The following CFAP299 variants were observed in gnomAD, a reference collection of about 807,000 sequenced individuals.
CFAP299 encodes cilia- and flagella-associated protein 299.
Under a neutral mutation model 27.0 loss-of-function variants are expected in CFAP299, and 21 were observed. That is an observed-to-expected ratio of 0.78 (90% CI 0.55 to 1.12). The LOEUF is 1.12. Ranked by LOEUF, CFAP299 falls within the 50% of genes most tolerant of loss-of-function variation. CFAP299 has a pLI of 0.00. For missense variants in CFAP299, 310 were observed against 276.6 expected, an observed-to-expected ratio of 1.12 and a Z score of -0.86; for synonymous variants, 104 against 98.1, an observed-to-expected ratio of 1.06 and a Z score of -0.36.
At chr4:80,377,925 CAAT>C (rs1367513459) in intron 2 of CFAP299, among the ~76,000 whole-genome samples, 3 of 152,058 alleles carry the variant, frequency 2.0e-5, no homozygotes, top group African/African-American at 7.2e-5. Context: ...AGTGGCAAGA[CAAT>C]AATGAGGAAG....
chr4:80,487,370 G>A (rs1730872326), intron 2 of CFAP299, among the ~76,000 whole-genome samples: 1 of 152,128 alleles, frequency 6.6e-6, no homozygotes, highest in Admixed American at 6.5e-5. Flanking sequence ...AATTTACAGA[G>A]GCTATCAGTT....
intron 3 of CFAP299, among the ~76,000 whole-genome samples, chr4:80,843,082 A>G (rs983078085): frequency 1.3e-5 from 2 of 151,018 alleles, no homozygotes; most frequent in Non-Finnish European, 3.0e-5. Context: ...ATATATATAA[A>G]TATATATTTT....
intron 4 of CFAP299, among the ~76,000 whole-genome samples, chr4:80,886,360 G>T (rs571852757): frequency 1.3e-5 from 2 of 152,250 alleles, no homozygotes; most frequent in African/African-American, 4.8e-5. Context: ...TTCCAATGAT[G>T]GTGGCCACAG....
upstream of CFAP299, among the ~76,000 whole-genome samples, chr4:80,331,962 G>T (rs1311452709): frequency 3.9e-5 from 6 of 152,126 alleles, no homozygotes; most frequent in East Asian, 1.2e-3. Context: ...AAAGGGGCTA[G>T]CAAAGAGAAC....
chr4:80,625,861 A>G (rs1448265631), intron 3 of CFAP299, among the ~76,000 whole-genome samples: 2 of 152,044 alleles, frequency 1.3e-5, no homozygotes, highest in Non-Finnish European at 2.9e-5. Flanking sequence ...ATACGTACCC[A>G]ATATCCAAGC....
chr4:80,556,931 A>G lies in CFAP299; in HGVS notation c.243-26162A>G, dbSNP rs71596014. Among the ~76,000 whole-genome samples the G allele has an allele frequency of 2.8e-3, 433 of 152,174 alleles. 2 individuals carry two copies. The highest frequency in any genetic ancestry group is 4.8e-3 in the Non-Finnish European group (324 of 67,944). ...TCTCTTATCTCTTAATATTACATAA[A>G]CATTTTGCTCAAAAGAGAAAACCAA... On this transcript the variant is annotated intron_variant, in intron 2 of 5. Coordinates refer to ENST00000358105, the MANE Select transcript of CFAP299 (RefSeq NM_152770.3).
At chr4:80,378,035 A>G (rs551645943) in intron 2 of CFAP299, among the ~76,000 whole-genome samples, 76 of 152,260 alleles carry the variant, frequency 5.0e-4, no homozygotes, top group Non-Finnish European at 8.8e-4. Context: ...CCATGATTCA[A>G]TTACGTCCCC....
chr4:80,568,083 A>G (rs1263417968), intron 2 of CFAP299, among the ~76,000 whole-genome samples: 6 of 151,856 alleles, frequency 4.0e-5, no homozygotes, highest in Non-Finnish European at 8.8e-5. Flanking sequence ...TTAAAAAACA[A>G]TAATAAAAGT....
intron 2 of CFAP299, among the ~76,000 whole-genome samples, chr4:80,383,174 C>T (rs896572494): frequency 2.0e-5 from 3 of 151,766 alleles, no homozygotes; most frequent in East Asian, 1.9e-4. Flanking sequence ...ACACTAGGGC[C>T]TACTTGAGGG....
At chr4:80,807,973 C>A (rs554951788) in intron 3 of CFAP299, among the ~76,000 whole-genome samples, 4 of 151,208 alleles carry the variant, frequency 2.6e-5, no homozygotes, top group African/African-American at 9.7e-5. Flanking sequence ...ACAGAGAAAA[C>A]CAAGAAAATA....
rs535931850 is a variant in CFAP299, at chr4:80,961,825, T to G, written c.607-1692T>G. On this transcript the variant is annotated intron_variant, in intron 5 of 5. Coordinates refer to ENST00000358105, the MANE Select transcript of CFAP299 (RefSeq NM_152770.3). ...ATAACAACCAATAAAAATAAAATAC[T>G]TTAAAAAAGATTATTGTCTGTCACA... is the stretch of plus-strand genomic sequence containing the variant. Among the ~76,000 whole-genome samples, 5 of 152,036 alleles carry G rather than the reference T, an allele frequency of 3.3e-5. No individual in the cohort carries two copies. In the South Asian group the frequency reaches 1.0e-3, roughly 32 times the overall value.
chr4:80,449,021 C>G (rs1246613339), intron 2 of CFAP299, among the ~76,000 whole-genome samples: 1 of 152,120 alleles, frequency 6.6e-6, no homozygotes, highest in Non-Finnish European at 1.5e-5. Flanking sequence ...AGATTAAGGT[C>G]AAGACAGGAG....
At chr4:80,487,606 A>T (rs1342120563) in intron 2 of CFAP299, among the ~76,000 whole-genome samples, 1 of 152,206 alleles carries the variant, frequency 6.6e-6, no homozygotes, top group Non-Finnish European at 1.5e-5. Context: ...ATCAGCAAGG[A>T]TTATTCAAGA....
chr4:80,625,830 G>A (rs1336321427), intron 3 of CFAP299, among the ~76,000 whole-genome samples: 1 of 151,792 alleles, frequency 6.6e-6, no homozygotes, highest in Non-Finnish European at 1.5e-5. Flanking sequence ...TTCAGCAAGA[G>A]GATATAACAA....
intron 3 of CFAP299, among the ~76,000 whole-genome samples, chr4:80,808,891 T>C (rs2110115262): frequency 6.6e-6 from 1 of 152,234 alleles, no homozygotes; most frequent in East Asian, 1.9e-4. Flanking sequence ...CACTGACTTA[T>C]GCCTCACATA....
chr4:80,346,133 C>T (rs1722715772), intron 1 of CFAP299, among the ~76,000 whole-genome samples: 1 of 152,092 alleles, frequency 6.6e-6, no homozygotes, highest in African/African-American at 2.4e-5. Context: ...TTGATTTTTT[C>T]TTGAAAATTT....
At chr4:80,898,366 T>C (rs561489687) in intron 4 of CFAP299, among the ~76,000 whole-genome samples, 18 of 152,162 alleles carry the variant, frequency 1.2e-4, no homozygotes, top group African/African-American at 4.3e-4. Context: ...AAGCTGTTTC[T>C]CTGAACTCAA....
chr4:80,910,023 G>T lies in CFAP299; in HGVS notation c.477-34787G>T, dbSNP rs184265694. Among the ~76,000 whole-genome samples, 542 of 152,190 alleles carry T rather than the reference G, an allele frequency of 3.6e-3. 1 individual carries two copies. The highest frequency in any genetic ancestry group is 0.013 in the Admixed American group (192 of 15,278). On this transcript the variant is annotated intron_variant, in intron 4 of 5. Coordinates refer to ENST00000358105, the MANE Select transcript of CFAP299 (RefSeq NM_152770.3). ...TGAAATTTATATCTAAATTCAATAT[G>T]CAAGGAAAAGGTTTAGAACAGCTGA...
In CFAP299 at chr4:80,924,519, T is replaced by TGC. The variant is rs1294860912; in HGVS notation, c.477-20290_477-20289insCG. On this transcript the variant is annotated intron_variant, in intron 4 of 5. Transcript: ENST00000358105. ...TAATCGTGTGACAATTCATTATGTG[T>TGC]GTGTGTGTGTGTGTGTGTGTATATA... Among the ~76,000 whole-genome samples, 4 of 136,054 alleles carry TGC rather than the reference T, an allele frequency of 2.9e-5. No individual in the cohort carries two copies. The South Asian group carries it at 1.0e-3, about 34-fold the overall frequency. 89.3% of individuals were successfully genotyped at this position (136,054 alleles called of 152,430 possible).
Sources: allele counts gnomAD v4.1 joint callset (sites outside exome capture counted in the v4.1 genomes callset), GRCh38; gene constraint gnomAD v4.1.1; transcripts MANE v1.5; gene names NCBI Gene and HGNC (gene_info 2026-07-23, HGNC 2026-07-21).